The following PAH variants were observed in gnomAD, a reference collection of about 807,000 sequenced individuals.
PAH encodes the protein phenylalanine hydroxylase.
Under a neutral mutation model 62.0 loss-of-function variants are expected in PAH, and 64 were observed. That is an observed-to-expected ratio of 1.03 (90% confidence interval 0.84 to 1.27). The LOEUF (loss-of-function observed/expected upper bound fraction) is 1.27. PAH is among the 50% of genes most tolerant of loss of function. The probability of loss-of-function intolerance (pLI) is 0.00; values close to 1 mark genes in which losing one functional copy is unlikely to be tolerated. For synonymous variants in PAH, 195 were observed against 196.2 expected, an observed-to-expected ratio of 0.99 and a Z score of 0.05; for missense variants, 579 against 542.8, an observed-to-expected ratio of 1.07 and a Z score of -0.66.
At chr12:102,917,377 G>A (rs2280616), upstream of PAH, 1,054 of 532,064 alleles carry the variant, frequency 2.0e-3, 12 homozygotes, top group East Asian at 0.019. Flanking sequence ...GAGGGGAGGG[G>A]CTGAGGGAGG....
rs747661840 is a variant in PAH at position 102,843,750 on chromosome 12, G to A, written c.1095C>T (p.Leu365=). ...QYCLSEKPKL[L]PLELEKTAIQ... is the part of the protein sequence containing the mutation. ...TGGCTGTCTTCTCCAGCTCCAGGGG[G>A]AGAAGCTTTGGCTTCTCTGATAAGC... Residue 365 remains leucine (L), a synonymous_variant, in exon 11 of 13, where the codon CTC becomes CTT. Transcript: ENST00000553106. The A allele has an allele frequency of 6.2e-7, 1 of 1,613,834 alleles. No homozygotes were observed. Among genetic ancestry groups the A allele is most frequent in the Admixed American group, 1.7e-5 (1 of 59,996 alleles).
chr12:102,917,497 C>T (rs1364573700), upstream of PAH: 4 of 329,252 alleles, frequency 1.2e-5, no homozygotes, highest in Non-Finnish European at 2.4e-5. Flanking sequence ...TTAGGCACTT[C>T]CGGGACTCTC....
intron 3 of PAH, among the ~76,000 whole-genome samples, chr12:102,882,489 T>A (rs1195671011): frequency 6.6e-6 from 1 of 151,942 alleles, no homozygotes; most frequent in African/African-American, 2.4e-5. Context: ...TGATGTTAAA[T>A]GAGTTAATAT....
chr12:102,853,035 C>T (rs1875254031), intron 6 of PAH, 85 bp from the exon 7 acceptor site: 2 of 1,424,294 alleles, frequency 1.4e-6, no homozygotes, highest in Non-Finnish European at 2.0e-6. Flanking sequence ...TGGAGTAGTA[C>T]ACATAACTGC....
chr12:102,919,751 T>A (rs568656558), upstream of PAH, among the ~76,000 whole-genome samples: 1 of 152,342 alleles, frequency 6.6e-6, no homozygotes, highest in African/African-American at 2.4e-5. Flanking sequence ...CCTCCAGTTC[T>A]GTCCATGTTA....
chr12:102,909,396 AT>A (rs967834895), intron 2 of PAH, among the ~76,000 whole-genome samples: 10 of 151,422 alleles, frequency 6.6e-5, no homozygotes, highest in African/African-American at 1.7e-4. Flanking sequence ...TTTAATTTTA[AT>A]TTTTTTTTAC....
chr12:102,854,265 C>T (rs777239513), intron 6 of PAH, among the ~76,000 whole-genome samples: 1 of 152,020 alleles, frequency 6.6e-6, no homozygotes, highest in Non-Finnish European at 1.5e-5. Flanking sequence ...TGGCTCATTG[C>T]CCCCACAGTG....
At chr12:102,937,404 C>CT (rs914823195) in intron 1 of PAH, among the ~76,000 whole-genome samples, 6 of 151,732 alleles carry the variant, frequency 4.0e-5, no homozygotes, top group African/African-American at 1.5e-4. Context: ...TTGCTTTTTA[C>CT]TTTTTTTTGT....
intron 2 of PAH, chr12:102,904,774 C>A (rs768790871): frequency 2.0e-6 from 1 of 511,218 alleles, no homozygotes; most frequent in Non-Finnish European, 3.9e-6. Context: ...TTCTCCATTT[C>A]ATTCACAAAG....
chr12:102,954,809 A>G (rs768391567), upstream of PAH, among the ~76,000 whole-genome samples: 2 of 152,244 alleles, frequency 1.3e-5, no homozygotes, highest in Non-Finnish European at 2.9e-5. Context: ...TCTTGGTAGA[A>G]TCCCCAAGGA....
rs140242624 is a variant in PAH, at chr12:102,875,684, G to A, written c.441+1778C>T. On this transcript the variant is annotated intron_variant, in intron 4 of 12. Coordinates refer to ENST00000553106, the MANE Select transcript of PAH (RefSeq NM_000277.3). ...GTCCCCACATTTACCTTTACTTTTCGGGGAGAGAGAGTATTTAAGTAATAT... is the reference window on the plus strand; with the variant it reads ...GTCCCCACATTTACCTTTACTTTTCAGGGAGAGAGAGTATTTAAGTAATAT... Among the ~76,000 whole-genome samples the A allele has an allele frequency of 4.6e-3, 703 of 152,220 alleles. 22 individuals carry two copies. The highest frequency in any genetic ancestry group is 0.041 in the Admixed American group (627 of 15,290).
chr12:102,871,888 C>T (rs1809638888), intron 4 of PAH, among the ~76,000 whole-genome samples: 2 of 143,302 alleles, frequency 1.4e-5, no homozygotes, highest in African/African-American at 5.3e-5. Context: ...TGCCATTGCA[C>T]TCCAGCCTGG....
chr12:102,915,881 G>T (rs543133744), intron 1 of PAH, among the ~76,000 whole-genome samples: 60 of 151,974 alleles, frequency 3.9e-4, no homozygotes, highest in African/African-American at 1.4e-3. Context: ...TATATAACAC[G>T]ACACTACTTT....
intron 2 of PAH, among the ~76,000 whole-genome samples, chr12:102,899,581 C>A (rs1017562611): frequency 6.6e-6 from 1 of 152,070 alleles, no homozygotes; most frequent in Middle Eastern, 3.4e-3. Flanking sequence ...GAGTAACGGC[C>A]GGGCGCGGTG....
At chr12:102,862,528 C>G (rs879885098) in intron 5 of PAH, among the ~76,000 whole-genome samples, 2 of 152,036 alleles carry the variant, frequency 1.3e-5, no homozygotes, top group Non-Finnish European at 2.9e-5. Flanking sequence ...AAATACCTGC[C>G]CATGTACCCT....
chr12:102,889,524 A>T (rs1049118563), intron 3 of PAH, among the ~76,000 whole-genome samples: 5 of 147,710 alleles, frequency 3.4e-5, no homozygotes, highest in African/African-American at 1.3e-4. Flanking sequence ...TAGATGATGG[A>T]TAGATAGACG....
chr12:102,845,011 A>C (rs57507781), intron 9 of PAH, among the ~76,000 whole-genome samples: 3,669 of 151,988 alleles, frequency 0.024, 135 homozygotes, highest in African/African-American at 0.083. Flanking sequence ...TTCTCTCTCT[A>C]TATATATCTC....
At chr12:102,889,721 A>G (rs35774237) in intron 3 of PAH, among the ~76,000 whole-genome samples, 6,194 of 152,256 alleles carry the variant, frequency 0.041, 229 homozygotes, top group Admixed American at 0.12. Flanking sequence ...ATAACTGCAA[A>G]CATATTTCTC....
At chr12:102,897,487 ATATAT>A (rs199519737) in intron 2 of PAH, among the ~76,000 whole-genome samples, 1 of 140,332 alleles carries the variant, frequency 7.1e-6, no homozygotes, top group African/African-American at 3.0e-5. Flanking sequence ...ATATATATAT[ATATAT>A]AATTCAAACT....
Sources: gnomAD v4.1 joint callset for allele counts (sites outside exome capture counted in the v4.1 genomes callset) on GRCh38, gnomAD v4.1.1 for gene constraint, MANE v1.5 for transcripts, NCBI Gene and HGNC (gene_info 2026-07-23, HGNC 2026-07-21) for gene names.